Variants in NTM observed in about 807,000 individuals in gnomAD.
The protein encoded by NTM is neurotrimin, also known as IgLON family member 2.
NTM carries 13 observed loss-of-function variants against 42.1 expected under a neutral mutation model. The ratio of observed to expected loss-of-function variants is 0.31; its 90% CI spans 0.20 to 0.49. The LOEUF is 0.49. Ranked by LOEUF, NTM falls within the 20% of genes least tolerant of loss-of-function variation. NTM has a pLI of 0.99. For synonymous variants in NTM, 187 were observed against 179.2 expected, an observed-to-expected ratio of 1.04 and a Z score of -0.35; for missense variants, 373 against 452.8, an observed-to-expected ratio of 0.82 and a Z score of 1.60.
At chr11:131,910,919 C>T (rs528014241) in intron 1 of NTM, 161 of 987,042 alleles carry the variant, frequency 1.6e-4, no homozygotes, top group Middle Eastern at 1.0e-3. Flanking sequence ...GTCTCCTCCG[C>T]GCGCCACCCC....
chr11:131,925,231 C>T (rs2057776657), intron 2 of NTM, among the ~76,000 whole-genome samples: 1 of 152,058 alleles, frequency 6.6e-6, no homozygotes, highest in Admixed American at 6.6e-5. Flanking sequence ...TTTAGTTTAA[C>T]CTTTTGTGCC....
At chr11:131,394,038 G>T (rs1247765646) in intron 1 of NTM, among the ~76,000 whole-genome samples, 1 of 152,226 alleles carries the variant, frequency 6.6e-6, no homozygotes, top group East Asian at 1.9e-4. Flanking sequence ...TGTATTCTCT[G>T]TAATTGTATT....
In NTM at chr11:131,370,689, A is replaced by G. The variant is rs1941044421; in HGVS notation, c.-118A>G. 2.4e-6 allele frequency: 2 copies of G among 843,542 alleles called. No homozygotes were observed. Among genetic ancestry groups the G allele is most frequent in the Non-Finnish European group, 3.7e-6 (2 of 542,560 alleles). 52.3% of individuals were successfully genotyped at this position (843,542 alleles called of 1,614,324 possible). A position where few individuals can be genotyped will look rare whatever the true frequency, so the allele number is the denominator to read the frequency against. ...CGGCTTTCTTGTTGTGTCCTTCAGC[A>G]AAACAGTGGATTTAAATCTCCTTGC... On this transcript the variant is annotated 5_prime_UTR_variant, in exon 1 of 9. Transcript: ENST00000683400.
chr11:132,315,945 CCTTTTTGG>C (rs1399332541), intron 7 of NTM, among the ~76,000 whole-genome samples: 4 of 150,474 alleles, frequency 2.7e-5, no homozygotes, highest in South Asian at 2.1e-4. Context: ...TGCCTTTTTG[CCTTTTTGG>C]CAGGCGTCTG....
chr11:131,630,821 GC>G (rs1336727237), intron 1 of NTM, among the ~76,000 whole-genome samples: 2 of 151,984 alleles, frequency 1.3e-5, no homozygotes, highest in Non-Finnish European at 1.5e-5. Context: ...CTTATCTTTG[GC>G]ATACTACATG....
chr11:132,248,802 C>G (rs146692626), intron 4 of NTM, among the ~76,000 whole-genome samples: 1 of 152,384 alleles, frequency 6.6e-6, no homozygotes, highest in African/African-American at 2.4e-5. Flanking sequence ...TCAGCCGTTG[C>G]TATGCAGGCT....
At chr11:131,485,372 C>T (rs1954056674) in intron 1 of NTM, among the ~76,000 whole-genome samples, 1 of 152,208 alleles carries the variant, frequency 6.6e-6, no homozygotes, top group Middle Eastern at 3.2e-3. Context: ...CCCTTCTGTG[C>T]CAGCTACCAC....
At chr11:132,277,828 A>G (rs2093789683) in intron 4 of NTM, among the ~76,000 whole-genome samples, 1 of 152,080 alleles carries the variant, frequency 6.6e-6, no homozygotes, top group Non-Finnish European at 1.5e-5. Context: ...GCTAAAATAT[A>G]TATATATATT....
chr11:131,821,919 A>G lies in NTM; in HGVS notation c.83-89645A>G, dbSNP rs2093206647. ...TAGTAAAACTAGTTTCTTTGTGGAC[A>G]AAAGACTCAAATGTATATATGACAC... On this transcript the variant is annotated intron_variant, in intron 1 of 8. Transcript: ENST00000683400. Among the ~76,000 whole-genome samples, 3 of 152,172 alleles carry G rather than the reference A, an allele frequency of 2.0e-5. No individual in the cohort carries two copies. The South Asian group carries it at 6.2e-4, about 32-fold the overall frequency.
At chr11:131,966,643 C>T (rs957933101) in intron 2 of NTM, among the ~76,000 whole-genome samples, 6 of 152,084 alleles carry the variant, frequency 3.9e-5, no homozygotes, top group Admixed American at 3.9e-4. Context: ...CTGGAGTGTC[C>T]ATGGGCAGGG....
At chr11:131,456,422 C>T (rs146313046) in intron 1 of NTM, among the ~76,000 whole-genome samples, 47 of 152,128 alleles carry the variant, frequency 3.1e-4, no homozygotes, top group African/African-American at 1.1e-3. Context: ...CACACCTTCT[C>T]TGCTTCAGAA....
chr11:132,111,740 A>G (rs1332889018), intron 2 of NTM, among the ~76,000 whole-genome samples: 1 of 152,246 alleles, frequency 6.6e-6, no homozygotes, highest in Non-Finnish European at 1.5e-5. Flanking sequence ...GATTCATCGC[A>G]CCAAATGACT....
chr11:131,376,032 A>G (rs1430104239), intron 1 of NTM, among the ~76,000 whole-genome samples: 13 of 151,832 alleles, frequency 8.6e-5, no homozygotes, highest in Admixed American at 8.5e-4. Flanking sequence ...CTATGGGAAA[A>G]ATAATTGATC....
intron 1 of NTM, among the ~76,000 whole-genome samples, chr11:131,649,132 T>C (rs958269445): frequency 6.6e-6 from 1 of 152,180 alleles, no homozygotes; most frequent in African/African-American, 2.4e-5. Context: ...ACTCAAGCCA[T>C]AACATTGTAG....
intron 1 of NTM, among the ~76,000 whole-genome samples, chr11:131,869,021 A>G (rs1162161361): frequency 6.6e-6 from 1 of 152,114 alleles, no homozygotes; most frequent in African/African-American, 2.4e-5. Context: ...CCTGCATTTG[A>G]CGTGGTTTAT....
rs758040180 is a variant in NTM, at chr11:132,310,075, G to C, written c.662-37G>C. The C allele has an allele frequency of 8.1e-6, 12 of 1,482,550 alleles. No individual in the cohort carries two copies. In the African/African-American group the frequency reaches 9.1e-5, roughly 11 times the overall value. 91.8% of individuals were successfully genotyped at this position (1,482,550 alleles called of 1,614,324 possible). On this transcript the variant is annotated intron_variant, in intron 5 of 8. Transcript: ENST00000683400. ...CCATCTCAAAAAAAAAAAAAAAAAA[G>C]GTGGGGGGGCGGCTATGAGACATCT...
chr11:131,600,880 T>C (rs1231375866), intron 1 of NTM, among the ~76,000 whole-genome samples: 1 of 152,174 alleles, frequency 6.6e-6, no homozygotes, highest in Admixed American at 6.5e-5. Context: ...GGAGTTACTT[T>C]TGAGGTCTAA....
chr11:132,090,723 G>A (rs988635335), intron 2 of NTM, among the ~76,000 whole-genome samples: 1 of 151,982 alleles, frequency 6.6e-6, no homozygotes, highest in Non-Finnish European at 1.5e-5. Context: ...CCTAGATGTG[G>A]CAATGCATGG....
At chr11:132,270,732 A>G (rs536670377) in intron 4 of NTM, among the ~76,000 whole-genome samples, 54 of 152,130 alleles carry the variant, frequency 3.5e-4, no homozygotes, top group African/African-American at 1.3e-3. Context: ...GATATAAAAA[A>G]CAATTTTGAA....
Sources: gnomAD v4.1 joint callset for allele counts (sites outside exome capture counted in the v4.1 genomes callset) on GRCh38, gnomAD v4.1.1 for gene constraint, MANE v1.5 for transcripts, NCBI Gene and HGNC (gene_info 2026-07-23, HGNC 2026-07-21) for gene names.